LRRIQ1: variants seen among roughly 807,000 people sequenced by gnomAD.
The protein encoded by LRRIQ1 is leucine-rich repeat- and IQ domain-containing protein 1.
A neutral mutation model predicts 211.9 loss-of-function variants in LRRIQ1; 210 were observed. The observed-to-expected ratio is 0.99, with a 90% CI of 0.89 to 1.11. The LOEUF (loss-of-function observed/expected upper bound fraction) is 1.11, where lower values mean the gene tolerates loss of function less well. Ranked by LOEUF, LRRIQ1 falls within the 50% of genes most tolerant of loss-of-function variation. The pLI, the probability that LRRIQ1 is intolerant of heterozygous loss-of-function variation, is 0.00. For synonymous variants in LRRIQ1, 699 were observed against 650.1 expected (o/e 1.08, Z -1.14); for missense variants, 2,136 against 1,939.5 (o/e 1.10, Z -1.90).
chr12:85,140,357 G>A (rs183795678), intron 19 of LRRIQ1, among the ~76,000 whole-genome samples: 1 of 150,482 alleles, frequency 6.6e-6, no homozygotes, highest in Non-Finnish European at 1.5e-5. Flanking sequence ...AAACCATGGA[G>A]ATTTTGTTCG....
rs1447775874 is a variant in LRRIQ1 at position 85,072,926 on chromosome 12, A to G, written c.2715A>G (p.Glu905=). 6.2e-7 allele frequency: 1 copy of G among 1,608,424 alleles called. No individual in the cohort carries two copies. The highest frequency in any genetic ancestry group is 8.5e-7 in the Non-Finnish European group (1 of 1,177,888). Residue 905 remains glutamate (E), a synonymous_variant, in exon 11 of 27, where the codon GAA becomes GAG. Coordinates refer to ENST00000393217, the MANE Select transcript of LRRIQ1 (RefSeq NM_001079910.2). ...ITRIGYSFFL[E]EKLVDNAGFC... is the part of the protein sequence containing the mutation. Reference sequence around the variant, plus strand: ...ACTCAGGATATTCCTTCTTTCTGGAAGAAAAACTTGTTGACAATGCAGGGT... The same window carrying G: ...ACTCAGGATATTCCTTCTTTCTGGAGGAAAAACTTGTTGACAATGCAGGGT...
the LRRIQ1 span, among the ~76,000 whole-genome samples, chr12:85,272,575 C>A: frequency 2.0e-5 from 3 of 151,502 alleles, no homozygotes; most frequent in South Asian, 4.2e-4. Flanking sequence ...TAAATGTATT[C>A]TTTAAAGCCT....
intron 10 of LRRIQ1, among the ~76,000 whole-genome samples, chr12:85,070,936 A>T (rs1883015409): frequency 6.6e-6 from 1 of 151,972 alleles, no homozygotes; most frequent in Non-Finnish European, 1.5e-5. Flanking sequence ...TCCCAAACAG[A>T]TATGATTAAA....
intron 18 of LRRIQ1, 81 bp downstream of exon 18, chr12:85,128,114 C>T: frequency 9.6e-7 from 1 of 1,047,072 alleles, no homozygotes; most frequent in Non-Finnish European, 1.4e-6. Flanking sequence ...TAAAAATAAC[C>T]TCCAAATCTC....
intron 24 of LRRIQ1, among the ~76,000 whole-genome samples, chr12:85,169,702 T>A (rs955910942): frequency 6.6e-6 from 1 of 152,188 alleles, no homozygotes; most frequent in Non-Finnish European, 1.5e-5. Context: ...TTTCCTCTCT[T>A]ACCAGCTCCT....
chr12:85,130,814 T>C (rs1279028099), intron 18 of LRRIQ1, among the ~76,000 whole-genome samples: 2 of 152,152 alleles, frequency 1.3e-5, no homozygotes, highest in Non-Finnish European at 2.9e-5. Flanking sequence ...GAGACTGCTC[T>C]CTGTTCACCA....
intron 4 of LRRIQ1, among the ~76,000 whole-genome samples, chr12:85,045,350 T>C (rs1161386507): frequency 6.6e-6 from 1 of 151,932 alleles, no homozygotes; most frequent in East Asian, 1.9e-4. Context: ...TTACCTCTCA[T>C]TTTATCCAGC....
At chr12:85,122,448 C>T (rs984670193) in intron 16 of LRRIQ1, among the ~76,000 whole-genome samples, 3 of 152,010 alleles carry the variant, frequency 2.0e-5, no homozygotes, top group South Asian at 2.1e-4. Context: ...TTCCCCACCT[C>T]GAATTCTGAA....
At chr12:85,185,585 A>G (rs978513245) in intron 24 of LRRIQ1, among the ~76,000 whole-genome samples, 1 of 152,006 alleles carries the variant, frequency 6.6e-6, no homozygotes, top group Non-Finnish European at 1.5e-5. Context: ...AACATTTATT[A>G]TTAAATTAAC....
chr12:85,257,542 G>A (rs887819146), intron 1 of LRRIQ1, among the ~76,000 whole-genome samples: 2 of 151,396 alleles, frequency 1.3e-5, no homozygotes, highest in African/African-American at 4.8e-5. Context: ...CTGCTTATTG[G>A]ATTACACTTT....
chr12:85,069,850 G>A (rs1369349419), intron 10 of LRRIQ1, among the ~76,000 whole-genome samples: 2 of 152,052 alleles, frequency 1.3e-5, no homozygotes, highest in African/African-American at 4.8e-5. Flanking sequence ...CCCTTTGTCA[G>A]ATGAGTAGGT....
At chr12:85,061,286 C>T (rs1881768059) in intron 8 of LRRIQ1, among the ~76,000 whole-genome samples, 1 of 151,606 alleles carries the variant, frequency 6.6e-6, no homozygotes, top group South Asian at 2.1e-4. Context: ...GTATGTGGCT[C>T]CTGTCATACA....
At chr12:85,229,769 G>A in intron 25 of LRRIQ1, 120 bp downstream of exon 25, 1 of 929,190 alleles carries the variant, frequency 1.1e-6, no homozygotes, top group Admixed American at 2.7e-5. Flanking sequence ...ACGCTACGTT[G>A]CCGGGTAATA....
chr12:85,105,796 A>ATTTT (rs5799719), intron 14 of LRRIQ1, among the ~76,000 whole-genome samples: 21 of 127,680 alleles, frequency 1.6e-4, no homozygotes, highest in African/African-American at 5.7e-4. Context: ...CTTTCTTTCT[A>ATTTT]TTTTTTTTTT....
At chr12:85,045,912 A>G (rs994880790) in intron 4 of LRRIQ1, 108 bp from the exon 5 acceptor site, 3 of 506,266 alleles carry the variant, frequency 5.9e-6, no homozygotes, top group African/African-American at 5.8e-5. Context: ...TCTGGAGTAC[A>G]TTAAAATTCT....
intron 23 of LRRIQ1, among the ~76,000 whole-genome samples, chr12:85,156,097 A>G (rs951003793): frequency 7.9e-5 from 12 of 151,700 alleles, no homozygotes; most frequent in Non-Finnish European, 1.6e-4. Context: ...GCAATTGTAT[A>G]ATATTTATGG....
chr12:85,151,395 A>C (rs572474153), intron 19 of LRRIQ1, among the ~76,000 whole-genome samples: 19 of 151,788 alleles, frequency 1.3e-4, no homozygotes, highest in African/African-American at 4.6e-4. Context: ...GAAAAATTGC[A>C]TTTACATCCC....
intron 10 of LRRIQ1, among the ~76,000 whole-genome samples, chr12:85,069,964 T>G (rs1307243597): frequency 6.6e-6 from 1 of 152,092 alleles, no homozygotes; most frequent in Non-Finnish European, 1.5e-5. Flanking sequence ...TTTGTCAATT[T>G]TGGCTTTTGT....
intron 25 of LRRIQ1, among the ~76,000 whole-genome samples, chr12:85,230,775 C>T (rs1212893317): frequency 3.9e-5 from 6 of 152,174 alleles, no homozygotes; most frequent in Non-Finnish European, 7.3e-5. Flanking sequence ...CTTGGCCGGG[C>T]GCGGTGGCTC....
Sources: allele counts gnomAD v4.1 joint callset (sites outside exome capture counted in the v4.1 genomes callset), GRCh38; gene constraint gnomAD v4.1.1; transcripts MANE v1.5; gene names NCBI Gene and HGNC (gene_info 2026-07-23, HGNC 2026-07-21).